NEDD4L: variants seen among roughly 807,000 people sequenced by gnomAD.
NEDD4L encodes the protein NEDD4 like E3 ubiquitin protein ligase, also known as E3 ubiquitin-protein ligase NEDD4-like.
NEDD4L carries 54 observed loss-of-function variants against 148.9 expected under a neutral mutation model. That is an observed-to-expected ratio of 0.36 (90% CI 0.29 to 0.45). The LOEUF (loss-of-function observed/expected upper bound fraction) is 0.45. NEDD4L is among the 20% of genes least tolerant of loss of function. NEDD4L has a pLI of 1.00. For synonymous variants in NEDD4L, 433 were observed against 440.7 expected, an observed-to-expected ratio of 0.98 and a Z score of 0.22; for missense variants, 856 against 1,233.8, an observed-to-expected ratio of 0.69 and a Z score of 4.59.
chr18:58,125,403 A>G (rs2030877036), intron 1 of NEDD4L, among the ~76,000 whole-genome samples: 2 of 150,702 alleles, frequency 1.3e-5, no homozygotes, highest in South Asian at 4.2e-4. Flanking sequence ...GAATCTGACC[A>G]GTTGAGGCAG....
chr18:58,226,933 A>C (rs1219124171), intron 2 of NEDD4L, among the ~76,000 whole-genome samples: 1 of 152,198 alleles, frequency 6.6e-6, no homozygotes, highest in African/African-American at 2.4e-5. Context: ...ATCTTTGTCA[A>C]ATATGCAATT....
Position 58,266,172 on chromosome 18 carries a change from A to G in NEDD4L, c.297+14118A>G, listed in dbSNP as rs1486948899. Among the ~76,000 whole-genome samples the G allele has an allele frequency of 3.9e-5, 6 of 152,042 alleles. 1 individual carries two copies. Among genetic ancestry groups the G allele is most frequent in the Admixed American group, 3.9e-4 (6 of 15,260 alleles). ...GCATATAACCATTTGAAAAAATTATAATGTTGATCGGATCTGCAACCTAAA... is the reference window on the plus strand; with the variant it reads ...GCATATAACCATTTGAAAAAATTATGATGTTGATCGGATCTGCAACCTAAA... On this transcript the variant is annotated intron_variant, in intron 5 of 30. Transcript: ENST00000400345.
chr18:58,254,281 C>T (rs1479621601), intron 5 of NEDD4L, among the ~76,000 whole-genome samples: 1 of 150,584 alleles, frequency 6.6e-6, no homozygotes, highest in African/African-American at 2.4e-5. Flanking sequence ...TTTTTTTTAC[C>T]TCCTCTAAAT....
chr18:58,174,760 T>A (rs914403050), intron 2 of NEDD4L, among the ~76,000 whole-genome samples: 1 of 152,158 alleles, frequency 6.6e-6, no homozygotes, highest in East Asian at 1.9e-4. Flanking sequence ...GGCAGTCTCA[T>A]CCCTCCACTA....
intron 2 of NEDD4L, among the ~76,000 whole-genome samples, chr18:58,227,598 C>G (rs1472434246): frequency 6.6e-6 from 1 of 152,188 alleles, no homozygotes; most frequent in Non-Finnish European, 1.5e-5. Context: ...CCTTGCTTCT[C>G]TTCTAGAAAG....
chr18:58,073,122 A>G (rs939547402), intron 1 of NEDD4L, among the ~76,000 whole-genome samples: 2 of 152,228 alleles, frequency 1.3e-5, no homozygotes, highest in African/African-American at 4.8e-5. Flanking sequence ...AGGACATTCC[A>G]TGTTCACGGA....
intron 30 of NEDD4L, among the ~76,000 whole-genome samples, chr18:58,391,788 TTC>T: frequency 6.6e-6 from 1 of 152,312 alleles, no homozygotes; most frequent in Middle Eastern, 3.4e-3. Context: ...TGTGGGGAAT[TTC>T]TCCTCTGAGC....
intron 9 of NEDD4L, among the ~76,000 whole-genome samples, chr18:58,328,488 CATGT>C (rs2059508853): frequency 6.6e-6 from 1 of 152,158 alleles, no homozygotes; most frequent in African/African-American, 2.4e-5. Context: ...GAAAAAAATT[CATGT>C]TGGATCAGGT....
intron 23 of NEDD4L, 54 bp downstream of exon 23, chr18:58,370,521 G>T: frequency 8.6e-7 from 1 of 1,165,092 alleles, no homozygotes; most frequent in Non-Finnish European, 1.3e-6. Flanking sequence ...TGTCTTATGA[G>T]AAGGTATTGG....
chr18:58,195,385 G>A, intron 2 of NEDD4L: 2 of 1,234,266 alleles, frequency 1.6e-6, no homozygotes, highest in Non-Finnish European at 2.1e-6. Flanking sequence ...TGCCTCTGAT[G>A]AGGCACTTCC....
intron 16 of NEDD4L, among the ~76,000 whole-genome samples, chr18:58,348,581 T>C (rs569590983): frequency 1.3e-5 from 2 of 152,230 alleles, no homozygotes; most frequent in Non-Finnish European, 2.9e-5. Flanking sequence ...CCCAAAGTGC[T>C]GGGATTACAG....
intron 9 of NEDD4L, 143 bp from the exon 10 acceptor site, chr18:58,328,852 T>C: frequency 1.3e-6 from 1 of 792,262 alleles, no homozygotes. Flanking sequence ...GGGAGAATTC[T>C]CACATTGGAT....
intron 2 of NEDD4L, among the ~76,000 whole-genome samples, chr18:58,178,615 T>C (rs2038450921): frequency 6.6e-6 from 1 of 152,248 alleles, no homozygotes; most frequent in African/African-American, 2.4e-5. Flanking sequence ...ATCTGCAATG[T>C]GTAACTCCTC....
chr18:58,233,670 G>A (rs566384933), intron 2 of NEDD4L, among the ~76,000 whole-genome samples: 17 of 152,050 alleles, frequency 1.1e-4, no homozygotes, highest in African/African-American at 2.4e-4. Context: ...TTTCCCAAGC[G>A]TTTCCAAAAA....
chr18:58,166,565 T>C (rs1705724431), intron 2 of NEDD4L, among the ~76,000 whole-genome samples: 2 of 152,194 alleles, frequency 1.3e-5, no homozygotes, highest in Admixed American at 1.3e-4. Flanking sequence ...GGAATGGACA[T>C]GAGTGATGTT....
chr18:58,364,917 C>T (rs534761242), intron 20 of NEDD4L, among the ~76,000 whole-genome samples: 1 of 152,338 alleles, frequency 6.6e-6, no homozygotes, highest in African/African-American at 2.4e-5. Flanking sequence ...GACACACCAT[C>T]CCCAAATTGT....
At chr18:58,303,152 T>A (rs376290456) in intron 5 of NEDD4L, among the ~76,000 whole-genome samples, 2 of 152,198 alleles carry the variant, frequency 1.3e-5, no homozygotes, top group Non-Finnish European at 2.9e-5. Flanking sequence ...GGCACTTGAA[T>A]TGTAGCCCAT....
At chr18:58,334,419 C>G (rs916210857) in intron 12 of NEDD4L, among the ~76,000 whole-genome samples, 8 of 152,134 alleles carry the variant, frequency 5.3e-5, no homozygotes, top group East Asian at 1.9e-4. Flanking sequence ...TAGCTATCAG[C>G]AAATGTAGAG....
At chr18:58,059,090 TCTTC>T (rs1189721688) in intron 1 of NEDD4L, among the ~76,000 whole-genome samples, 3 of 152,172 alleles carry the variant, frequency 2.0e-5, no homozygotes, top group Non-Finnish European at 4.4e-5. Context: ...CCTATTTTCT[TCTTC>T]TTTCTTTTTT....
Sources: gnomAD v4.1 joint callset for allele counts (sites outside exome capture counted in the v4.1 genomes callset) on GRCh38, gnomAD v4.1.1 for gene constraint, MANE v1.5 for transcripts, NCBI Gene and HGNC (gene_info 2026-07-23, HGNC 2026-07-21) for gene names.